Variants in RYR3 observed in about 807,000 individuals in gnomAD.
The protein encoded by RYR3 is ryanodine receptor 3.
A neutral mutation model predicts 584.3 loss-of-function variants in RYR3; 207 were observed. The ratio of observed to expected loss-of-function variants is 0.35; its 90% CI spans 0.32 to 0.40. The LOEUF is 0.40. RYR3 is among the 10% of genes least tolerant of loss of function. The pLI is 1.00. For missense variants in RYR3, 5,616 were observed against 6,089.2 expected (o/e 0.92, Z 2.59); for synonymous variants, 2,416 against 2,248.5 (o/e 1.07, Z -2.11).
chr15:33,511,426 C>A (rs2142886012), intron 3 of RYR3, among the ~76,000 whole-genome samples: 1 of 151,058 alleles, frequency 6.6e-6, no homozygotes, highest in Admixed American at 6.6e-5. Flanking sequence ...CTAAAATATC[C>A]ATTTACTGTT....
At chr15:33,315,003 A>C (rs1967953535) in intron 1 of RYR3, among the ~76,000 whole-genome samples, 1 of 152,210 alleles carries the variant, frequency 6.6e-6, no homozygotes. Flanking sequence ...TGTTTGCATT[A>C]GTTTCAATTA....
intron 36 of RYR3, among the ~76,000 whole-genome samples, chr15:33,665,846 C>T (rs1266970762): frequency 6.6e-6 from 1 of 152,200 alleles, no homozygotes; most frequent in Non-Finnish European, 1.5e-5. Flanking sequence ...TATGTACCAT[C>T]CTTTAGTATT....
chr15:33,463,562 C>G (rs1397437080), intron 1 of RYR3, among the ~76,000 whole-genome samples: 2 of 151,998 alleles, frequency 1.3e-5, no homozygotes, highest in African/African-American at 4.8e-5. Context: ...AGAAAAATGT[C>G]ATAGGTAATA....
chr15:33,590,786 A>G (rs1032673716), intron 16 of RYR3, among the ~76,000 whole-genome samples: 8 of 152,046 alleles, frequency 5.3e-5, no homozygotes, highest in African/African-American at 1.9e-4. Flanking sequence ...TTTAAATATA[A>G]TTTTACATCT....
At chr15:33,376,896 T>G (rs990324894) in intron 1 of RYR3, among the ~76,000 whole-genome samples, 1 of 152,248 alleles carries the variant, frequency 6.6e-6, no homozygotes, top group Non-Finnish European at 1.5e-5. Context: ...CTTTATTGAA[T>G]TCCTTGGTGC....
At chr15:33,774,709 A>G (rs975518902) in intron 64 of RYR3, among the ~76,000 whole-genome samples, 2 of 152,216 alleles carry the variant, frequency 1.3e-5, no homozygotes, top group Non-Finnish European at 2.9e-5. Context: ...TTATGATTTT[A>G]AGTCTTTAAC....
chr15:33,669,228 CAAA>C (rs10630004), intron 36 of RYR3, 123 bp from the exon 37 acceptor site: 42 of 514,638 alleles, frequency 8.2e-5, no homozygotes, highest in South Asian at 3.2e-4. Flanking sequence ...CCACTTTTAC[CAAA>C]AAAAAAAAAA....
intron 39 of RYR3, among the ~76,000 whole-genome samples, chr15:33,696,714 G>T (rs1305791155): frequency 6.6e-6 from 1 of 152,182 alleles, no homozygotes; most frequent in Non-Finnish European, 1.5e-5. Context: ...GGGAAAAGCA[G>T]TTACTTGATT....
At chr15:33,772,872 C>T (rs920771800) in intron 63 of RYR3, among the ~76,000 whole-genome samples, 8 of 152,198 alleles carry the variant, frequency 5.3e-5, no homozygotes, top group Middle Eastern at 3.4e-3. Context: ...GTTCCTTGGT[C>T]GGAAAAGAAA....
intron 1 of RYR3, among the ~76,000 whole-genome samples, chr15:33,379,685 C>CTATATATATA (rs1234432644): frequency 4.2e-5 from 5 of 117,844 alleles, no homozygotes; most frequent in African/African-American, 8.0e-5. Flanking sequence ...CTCTCTCTCT[C>CTATATATATA]TCTATATATA....
chr15:33,437,489 AT>A (rs1413401100), intron 1 of RYR3, among the ~76,000 whole-genome samples: 1 of 152,242 alleles, frequency 6.6e-6, no homozygotes, highest in African/African-American at 2.4e-5. Flanking sequence ...TTAAGACCTT[AT>A]CCCTAAATTT....
intron 2 of RYR3, among the ~76,000 whole-genome samples, chr15:33,485,651 T>C (rs2050355567): frequency 1.3e-5 from 2 of 152,184 alleles, no homozygotes; most frequent in Non-Finnish European, 2.9e-5. Context: ...AGAAGAATAA[T>C]GGCATTTCCA....
At chr15:33,766,616 G>T (rs1029110403) in intron 60 of RYR3, among the ~76,000 whole-genome samples, 3 of 152,230 alleles carry the variant, frequency 2.0e-5, no homozygotes, top group Admixed American at 2.0e-4. Context: ...GGCACCATTT[G>T]TCACGGCTGG....
At chr15:33,583,643 G>A (rs2058699278) in intron 14 of RYR3, among the ~76,000 whole-genome samples, 1 of 152,160 alleles carries the variant, frequency 6.6e-6, no homozygotes, top group African/African-American at 2.4e-5. Flanking sequence ...AAAGAGGTTG[G>A]GTGTGGTGGT....
chr15:33,332,953 A>G (rs1970532165), intron 1 of RYR3, among the ~76,000 whole-genome samples: 1 of 151,900 alleles, frequency 6.6e-6, no homozygotes, highest in African/African-American at 2.4e-5. Context: ...ATCATATCCA[A>G]TAAATATGAA....
At chr15:33,855,863 A>T (rs889731679) in intron 98 of RYR3, 1 of 152,208 alleles carries the variant, frequency 6.6e-6, no homozygotes, top group Non-Finnish European at 1.5e-5. Flanking sequence ...AAATCTTCTA[A>T]TGGCTTCTCC....
chr15:33,404,585 G>GTTTTTTTT (rs200311525), intron 1 of RYR3, among the ~76,000 whole-genome samples: 1 of 127,764 alleles, frequency 7.8e-6, no homozygotes, highest in African/African-American at 3.8e-5. Flanking sequence ...ATTTACTACT[G>GTTTTTTTT]TGTGTTTTTT....
At chr15:33,605,595 C>A (rs1490906013) in intron 18 of RYR3, among the ~76,000 whole-genome samples, 2 of 152,178 alleles carry the variant, frequency 1.3e-5, no homozygotes, top group African/African-American at 4.8e-5. Flanking sequence ...ATGGAGAAAC[C>A]AGTGTCTCCA....
At chr15:33,431,699 G>A (rs1230958780) in intron 1 of RYR3, among the ~76,000 whole-genome samples, 2 of 152,150 alleles carry the variant, frequency 1.3e-5, no homozygotes, top group Admixed American at 6.5e-5. Context: ...CAAGGAGGTT[G>A]AGGCTGCAGT....
Sources: allele counts gnomAD v4.1 joint callset (sites outside exome capture counted in the v4.1 genomes callset), GRCh38; gene constraint gnomAD v4.1.1; transcripts MANE v1.5; gene names NCBI Gene and HGNC (gene_info 2026-07-23, HGNC 2026-07-21).